Variants in PPFIA2 observed in about 807,000 individuals in gnomAD.
The protein encoded by PPFIA2 is PPFI scaffold protein A2, also known as liprin-alpha-2.
Under a neutral mutation model 175.5 loss-of-function variants are expected in PPFIA2, and 46 were observed. That is an observed-to-expected ratio of 0.26 (90% CI 0.21 to 0.34). PPFIA2 has a LOEUF of 0.34. Ranked by LOEUF, PPFIA2 falls within the 10% of genes least tolerant of loss-of-function variation. The probability of loss-of-function intolerance (pLI) is 1.00; values close to 1 mark genes in which losing one functional copy is unlikely to be tolerated. For missense variants in PPFIA2, 1,179 were observed against 1,506.1 expected, an observed-to-expected ratio of 0.78 and a Z score of 3.60; for synonymous variants, 568 against 511.4, an observed-to-expected ratio of 1.11 and a Z score of -1.49.
intron 4 of PPFIA2, among the ~76,000 whole-genome samples, chr12:81,648,012 A>C (rs999284539): frequency 2.0e-5 from 3 of 149,276 alleles, no homozygotes; most frequent in Non-Finnish European, 3.0e-5. Context: ...GAAAAAAAAA[A>C]CTCAATCTAG....
intron 4 of PPFIA2, among the ~76,000 whole-genome samples, chr12:81,517,183 T>C (rs1360947345): frequency 6.7e-6 from 1 of 150,028 alleles, no homozygotes; most frequent in African/African-American, 2.5e-5. Flanking sequence ...CTCAAACTAG[T>C]GGGAAATTTG....
intron 4 of PPFIA2, among the ~76,000 whole-genome samples, chr12:81,557,215 A>G (rs1307664932): frequency 6.7e-6 from 1 of 148,178 alleles, no homozygotes; most frequent in Non-Finnish European, 1.5e-5. Context: ...ACACACACAC[A>G]CGTATACATA....
At chr12:81,279,219 G>A (rs1048640557) in intron 27 of PPFIA2, 3 of 152,124 alleles carry the variant, frequency 2.0e-5, no homozygotes, top group African/African-American at 4.8e-5. Context: ...GACACCAAGA[G>A]GTGACCATCA....
intron 4 of PPFIA2, chr12:81,465,365 C>T (rs1179260881): frequency 3.9e-5 from 6 of 152,022 alleles, no homozygotes; most frequent in Admixed American, 3.9e-4. Flanking sequence ...TCACCGACCA[C>T]AAAAAAGCAT....
chr12:81,357,490 C>A (rs1018907762), intron 16 of PPFIA2, among the ~76,000 whole-genome samples: 1 of 152,166 alleles, frequency 6.6e-6, no homozygotes, highest in African/African-American at 2.4e-5. Context: ...AAACAGCTTG[C>A]AAATTTTAAA....
At chr12:81,432,145 T>C (rs1277957776) in intron 7 of PPFIA2, among the ~76,000 whole-genome samples, 1 of 152,188 alleles carries the variant, frequency 6.6e-6, no homozygotes, top group South Asian at 2.1e-4. Context: ...GCCCTTTAAG[T>C]ACTACTCAAT....
chr12:81,727,360 G>A (rs1032856013), intron 3 of PPFIA2, among the ~76,000 whole-genome samples: 3 of 151,256 alleles, frequency 2.0e-5, no homozygotes, highest in African/African-American at 7.3e-5. Flanking sequence ...TGGCTGTTTC[G>A]AACATTAATT....
rs2065280478 is a variant in PPFIA2, at chr12:81,642,714, G to GTGTATGTATA, written c.303+34076_303+34077insTATACATACA. Among the ~76,000 whole-genome samples, 12 of 23,324 alleles carry GTGTATGTATA rather than the reference G, an allele frequency of 5.1e-4. 2 individuals are homozygous for GTGTATGTATA. Among genetic ancestry groups the GTGTATGTATA allele is most frequent in the African/African-American group, 9.8e-4 (6 of 6,092 alleles). The allele number at this position is 23,324 out of a possible 152,430, so 15.3% of individuals were successfully genotyped here. On this transcript the variant is annotated intron_variant, in intron 4 of 32. Coordinates refer to ENST00000549396, the MANE Select transcript of PPFIA2 (RefSeq NM_003625.5). ...TATACATACATGTATATGTATGTATGTATTATATACATACATGTATATGTA... is the reference window on the plus strand; with the variant it reads ...TATACATACATGTATATGTATGTATGTGTATGTATATATTATATACATACATGTATATGTA...
chr12:81,514,669 A>G (rs2062188851), intron 4 of PPFIA2, among the ~76,000 whole-genome samples: 1 of 151,938 alleles, frequency 6.6e-6, no homozygotes, highest in Admixed American at 6.6e-5. Flanking sequence ...TTCTGATACA[A>G]CTAAATGATA....
chr12:81,499,524 G>A (rs2060375108), intron 4 of PPFIA2, among the ~76,000 whole-genome samples: 1 of 152,136 alleles, frequency 6.6e-6, no homozygotes, highest in Non-Finnish European at 1.5e-5. Flanking sequence ...GAGGACAAAG[G>A]GGAGAGGAGT....
At chr12:81,680,026 A>G (rs1414396309) in intron 3 of PPFIA2, among the ~76,000 whole-genome samples, 1 of 151,926 alleles carries the variant, frequency 6.6e-6, no homozygotes, top group East Asian at 1.9e-4. Flanking sequence ...AAATGTGTCT[A>G]TTTTCTTATT....
chr12:81,583,487 C>T (rs2074723594), intron 4 of PPFIA2, among the ~76,000 whole-genome samples: 1 of 151,806 alleles, frequency 6.6e-6, no homozygotes. Flanking sequence ...AGAGAAAATA[C>T]ATATTTTCCT....
At chr12:81,609,319 C>A (rs1050430898) in intron 4 of PPFIA2, among the ~76,000 whole-genome samples, 1 of 151,996 alleles carries the variant, frequency 6.6e-6, no homozygotes, top group African/African-American at 2.4e-5. Context: ...GAGTTTAAGT[C>A]CACAGTTTCT....
chr12:81,339,144 A>T (rs772378506), intron 21 of PPFIA2, 36 bp downstream of exon 21: 19 of 1,479,054 alleles, frequency 1.3e-5, no homozygotes, highest in Non-Finnish European at 1.7e-5. Flanking sequence ...GACTAAAATG[A>T]GTGGCAGTGG....
At chr12:81,599,309 C>A (rs888130465) in intron 4 of PPFIA2, among the ~76,000 whole-genome samples, 4 of 151,832 alleles carry the variant, frequency 2.6e-5, no homozygotes, top group Non-Finnish European at 5.9e-5. Flanking sequence ...ACACATACAA[C>A]CTAAATTATT....
chr12:81,300,021 T>C (rs2047422352), intron 22 of PPFIA2, among the ~76,000 whole-genome samples: 3 of 152,212 alleles, frequency 2.0e-5, no homozygotes, highest in Admixed American at 2.0e-4. Flanking sequence ...CTTTTATCTA[T>C]AATCACTACT....
At chr12:81,636,578 TA>T (rs59088035) in intron 4 of PPFIA2, among the ~76,000 whole-genome samples, 308 of 142,624 alleles carry the variant, frequency 2.2e-3, no homozygotes, top group Non-Finnish European at 2.4e-3. Flanking sequence ...TCTCTGATAT[TA>T]AAAAAAAAAA....
At chr12:81,475,629 G>C (rs889101980) in intron 4 of PPFIA2, among the ~76,000 whole-genome samples, 1 of 152,138 alleles carries the variant, frequency 6.6e-6, no homozygotes, top group African/African-American at 2.4e-5. Context: ...ACTTCAGAGA[G>C]AATATATATT....
At chr12:81,682,092 T>G (rs2073746937) in intron 3 of PPFIA2, among the ~76,000 whole-genome samples, 1 of 152,086 alleles carries the variant, frequency 6.6e-6, no homozygotes, top group African/African-American at 2.4e-5. Context: ...TTATGTTCCC[T>G]GAAAATTCAG....
Sources: allele counts gnomAD v4.1 joint callset (sites outside exome capture counted in the v4.1 genomes callset), GRCh38; gene constraint gnomAD v4.1.1; transcripts MANE v1.5; gene names NCBI Gene and HGNC (gene_info 2026-07-23, HGNC 2026-07-21).